Variants in CSMD1 observed in about 807,000 individuals in gnomAD.
CSMD1 encodes CUB and sushi domain-containing protein 1.
Under a neutral mutation model 417.5 loss-of-function variants are expected in CSMD1, and 213 were observed. The observed-to-expected ratio is 0.51, with a 90% CI of 0.46 to 0.57. The LOEUF is 0.57. Ranked by LOEUF, CSMD1 falls within the 20% of genes least tolerant of loss-of-function variation. CSMD1 has a pLI of 0.00. For synonymous variants in CSMD1, 2,862 were observed against 1,736.8 expected, an observed-to-expected ratio of 1.65 and a Z score of -16.11; for missense variants, 6,923 against 4,529.7, an observed-to-expected ratio of 1.53 and a Z score of -15.17.
intron 3 of CSMD1, among the ~76,000 whole-genome samples, chr8:4,176,565 A>C (rs1052918664): frequency 6.6e-6 from 1 of 152,160 alleles, no homozygotes; most frequent in East Asian, 1.9e-4. Context: ...CCATTTTGGC[A>C]GTAGAAGTAC....
intron 5 of CSMD1, among the ~76,000 whole-genome samples, chr8:3,902,590 C>G (rs1584937893): frequency 6.6e-6 from 1 of 152,186 alleles, no homozygotes; most frequent in South Asian, 2.1e-4. Flanking sequence ...GGTTCACGAT[C>G]CTATGAAAAT....
intron 6 of CSMD1, among the ~76,000 whole-genome samples, chr8:3,709,681 T>TTTTTTTTTTTG (rs1563296535): frequency 1.4e-5 from 1 of 72,286 alleles, no homozygotes; most frequent in African/African-American, 7.8e-5. Context: ...CAGCAGCATG[T>TTTTTTTTTTTG]TTTTTTTTTT....
At chr8:3,815,871 C>T (rs953554254) in intron 5 of CSMD1, among the ~76,000 whole-genome samples, 1 of 152,008 alleles carries the variant, frequency 6.6e-6, no homozygotes, top group African/African-American at 2.4e-5. Context: ...CAGTGATGCT[C>T]CAGACTTGTT....
At chr8:4,950,959 T>A (rs1400424710) in intron 1 of CSMD1, among the ~76,000 whole-genome samples, 14 of 139,280 alleles carry the variant, frequency 1.0e-4, no homozygotes, top group Non-Finnish European at 1.8e-4. Context: ...TGGAGACTTG[T>A]GGTAAAAAAA....
At chr8:3,303,807 C>T (rs1246902158) in intron 25 of CSMD1, among the ~76,000 whole-genome samples, 1 of 152,170 alleles carries the variant, frequency 6.6e-6, no homozygotes, top group East Asian at 1.9e-4. Context: ...TTCAATGGGG[C>T]TAAATTTTCT....
chr8:3,267,999 G>A (rs1034193868), intron 26 of CSMD1, among the ~76,000 whole-genome samples: 4 of 152,122 alleles, frequency 2.6e-5, no homozygotes, highest in Non-Finnish European at 5.9e-5. Flanking sequence ...CCCTGTGTGG[G>A]CTCAGTTGCC....
At chr8:3,108,440 A>G (rs1194827193) in intron 44 of CSMD1, among the ~76,000 whole-genome samples, 163 bp downstream of exon 44, 1 of 152,214 alleles carries the variant, frequency 6.6e-6, no homozygotes, top group Non-Finnish European at 1.5e-5. Flanking sequence ...ACATCATTAA[A>G]CAAAAAAAGG....
At chr8:4,728,952 G>T (rs1329041616) in intron 1 of CSMD1, among the ~76,000 whole-genome samples, 2 of 152,166 alleles carry the variant, frequency 1.3e-5, no homozygotes, top group African/African-American at 4.8e-5. Context: ...CGTCCATGTG[G>T]AGATAGAGAT....
chr8:3,140,036 G>A (rs1818340983), intron 41 of CSMD1, among the ~76,000 whole-genome samples: 1 of 151,992 alleles, frequency 6.6e-6, no homozygotes, highest in South Asian at 2.1e-4. Context: ...CTGAGTAGCT[G>A]GGATTACAGG....
At chr8:3,757,356 G>A (rs980508038) in intron 5 of CSMD1, among the ~76,000 whole-genome samples, 3 of 152,326 alleles carry the variant, frequency 2.0e-5, no homozygotes, top group East Asian at 3.9e-4. Flanking sequence ...TTGGCAAGTA[G>A]CCATAAAATG....
At chr8:3,388,738 CTG>C (rs1256218775) in intron 17 of CSMD1, among the ~76,000 whole-genome samples, 1 of 152,172 alleles carries the variant, frequency 6.6e-6, no homozygotes, top group Non-Finnish European at 1.5e-5. Flanking sequence ...CAGAATGTAA[CTG>C]TCCTTGCTGC....
At chr8:4,053,298 A>AT in intron 3 of CSMD1, among the ~76,000 whole-genome samples, 1 of 152,222 alleles carries the variant, frequency 6.6e-6, no homozygotes, top group East Asian at 1.9e-4. Flanking sequence ...AGTGCTTAGC[A>AT]TTGCGAATGC....
chr8:3,864,809 G>A (rs1005480544), intron 5 of CSMD1, among the ~76,000 whole-genome samples: 1 of 152,264 alleles, frequency 6.6e-6, no homozygotes, highest in East Asian at 1.9e-4. Context: ...GGTCTAAAGA[G>A]CTATTTGTTA....
At chr8:3,968,098 A>T (rs2130049253) in intron 5 of CSMD1, among the ~76,000 whole-genome samples, 1 of 151,504 alleles carries the variant, frequency 6.6e-6, no homozygotes, top group East Asian at 1.9e-4. Context: ...GAGGCAGGAG[A>T]ATGGCGTGAA....
chr8:4,849,341 G>C (rs1262184357), intron 1 of CSMD1, among the ~76,000 whole-genome samples: 3 of 151,790 alleles, frequency 2.0e-5, no homozygotes, highest in African/African-American at 4.8e-5. Flanking sequence ...AAGTAATAAG[G>C]TGAAGTTAAT....
intron 3 of CSMD1, among the ~76,000 whole-genome samples, chr8:4,400,072 A>G (rs547319770): frequency 6.6e-6 from 1 of 152,166 alleles, no homozygotes; most frequent in Non-Finnish European, 1.5e-5. Context: ...CAGCATGCCA[A>G]AAGAGAGATC....
chr8:4,918,884 A>C (rs1806243274), intron 1 of CSMD1, among the ~76,000 whole-genome samples: 1 of 152,176 alleles, frequency 6.6e-6, no homozygotes, highest in South Asian at 2.1e-4. Flanking sequence ...TACAACATGT[A>C]ATTTTAAATA....
intron 7 of CSMD1, among the ~76,000 whole-genome samples, chr8:3,653,488 T>C (rs1214508160): frequency 1.3e-5 from 2 of 152,108 alleles, no homozygotes; most frequent in Non-Finnish European, 2.9e-5. Flanking sequence ...TTCATATTTT[T>C]AATAGAGATA....
intron 3 of CSMD1, among the ~76,000 whole-genome samples, chr8:4,343,292 T>C (rs956132176): frequency 1.3e-5 from 2 of 152,020 alleles, no homozygotes; most frequent in African/African-American, 2.4e-5. Context: ...TATAGAGAGA[T>C]ATTGGCCAAA....
Sources: allele counts gnomAD v4.1 joint callset (sites outside exome capture counted in the v4.1 genomes callset), GRCh38; gene constraint gnomAD v4.1.1; transcripts MANE v1.5; gene names NCBI Gene and HGNC (gene_info 2026-07-23, HGNC 2026-07-21).